TNKS: variants seen among roughly 807,000 people sequenced by gnomAD.
TNKS encodes poly [ADP-ribose] polymerase tankyrase-1.
In TNKS, 72 loss-of-function variants were observed where a neutral mutation model predicts 135.8. That is an observed-to-expected ratio of 0.53 (90% CI 0.44 to 0.64). TNKS has a LOEUF of 0.64. TNKS is among the 30% of genes least tolerant of loss of function. The pLI, the probability that TNKS is intolerant of heterozygous loss-of-function variation, is 0.00. For synonymous variants in TNKS, 849 were observed against 649.3 expected (o/e 1.31, Z -4.68); for missense variants, 1,769 against 1,674.0 (o/e 1.06, Z -0.99).
Position 9,761,544 on chromosome 8 carries a change from G to C in TNKS, c.3182G>C (p.Gly1061Ala), listed in dbSNP as rs1807148302. ...ACACTAGATGTGTTGGCTGATATGG[G>C]TCATGAAGAGTTGAAAGAAATAGGC... is the stretch of plus-strand genomic sequence containing the variant. ...QITLDVLADM[G>A]HEELKEIGIN... The change falls in exon 21 of 27, where the codon GGT becomes GCT. Residue 1061 changes from glycine to alanine, a missense_variant. Physicochemically the swap from Gly to Ala is moderately conservative, Grantham distance 60. This residue lies in a region of TNKS where 722 missense variants were observed against 688.9 expected (regional missense o/e 1.05). Transcript: ENST00000310430. 1 of 1,612,242 alleles carries C rather than the reference G, an allele frequency of 6.2e-7. No individual in the cohort carries two copies. The highest frequency in any genetic ancestry group is 8.5e-7 in the Non-Finnish European group (1 of 1,179,644).
At position 9,733,387 on chromosome 8, in the gene TNKS, C is replaced by A. The variant is rs373431532; in HGVS notation, c.2256C>A (p.Thr752=). 1 of 1,613,268 alleles carries A rather than the reference C, an allele frequency of 6.2e-7. No individual in the cohort carries two copies. Among genetic ancestry groups the A allele is most frequent in the Non-Finnish European group, 8.5e-7 (1 of 1,179,646 alleles). ...SVNVADLWKF[T]PLHEAAAKGK... Reference sequence around the variant, plus strand: ...ATGTGGCGGACTTATGGAAATTTACCCCTCTCCATGAAGCAGCAGCTAAAG... The same window carrying A: ...ATGTGGCGGACTTATGGAAATTTACACCTCTCCATGAAGCAGCAGCTAAAG... Residue 752 remains threonine, a synonymous_variant, in exon 15 of 27, where the codon ACC becomes ACA. Coordinates refer to ENST00000310430, the MANE Select transcript of TNKS (RefSeq NM_003747.3).
chr8:9,722,555 A>T (rs1278067314), intron 12 of TNKS: 1 of 894 alleles, frequency 1.1e-3, no homozygotes, highest in African/African-American at 1.8e-3. Flanking sequence ...GCTTGAACTC[A>T]AAAAAAAAAA....
intron 18 of TNKS, among the ~76,000 whole-genome samples, chr8:9,750,723 C>G (rs1441456740): frequency 6.6e-6 from 1 of 152,214 alleles, no homozygotes; most frequent in Admixed American, 6.5e-5. Flanking sequence ...AAGCCACCCC[C>G]AAACCCACTG....
At chr8:9,601,849 C>G (rs73664752) in intron 2 of TNKS, among the ~76,000 whole-genome samples, 46 of 152,188 alleles carry the variant, frequency 3.0e-4, no homozygotes, top group Non-Finnish European at 4.3e-4. Context: ...TATTGCTTTA[C>G]TTATTTCTTA....
intron 16 of TNKS, 133 bp downstream of exon 16, chr8:9,735,217 A>T: frequency 2.7e-6 from 3 of 1,114,328 alleles, no homozygotes; most frequent in Non-Finnish European, 3.8e-6. Flanking sequence ...ATAGTTTTGT[A>T]TAATTTCTTA....
rs76821910 is a variant in TNKS, at chr8:9,628,201, C to A, written c.994+12524C>A. 1.5e-3 allele frequency among the ~76,000 whole-genome samples: 230 copies of A among 152,246 alleles called. 1 individual carries two copies. Among genetic ancestry groups the A allele is most frequent in the Non-Finnish European group, 2.4e-3 (161 of 68,018 alleles). On this transcript the variant is annotated intron_variant, in intron 3 of 26. Transcript: ENST00000310430. The stretch of plus-strand genomic sequence containing the variant: ...AAACATTCTTTTGTGTCAATTCTTA[C>A]ACCACTCTTTAGTCACTTGTTTTTC...
At chr8:9,633,187 A>G (rs1232731972) in intron 3 of TNKS, among the ~76,000 whole-genome samples, 2 of 152,176 alleles carry the variant, frequency 1.3e-5, no homozygotes, top group Non-Finnish European at 2.9e-5. Flanking sequence ...TGTACTACTA[A>G]CCTTCTCAGA....
At chr8:9,648,145 C>T (rs1563140504) in intron 3 of TNKS, among the ~76,000 whole-genome samples, 1 of 152,032 alleles carries the variant, frequency 6.6e-6, no homozygotes, top group African/African-American at 2.4e-5. Context: ...AATGCGAAGG[C>T]CTAGAGCATT....
At chr8:9,722,764 G>C (rs1165989152) in intron 12 of TNKS, among the ~76,000 whole-genome samples, 4 of 152,064 alleles carry the variant, frequency 2.6e-5, no homozygotes, top group Admixed American at 6.6e-5. Flanking sequence ...GTTAGTTTCT[G>C]TATGTTTTAA....
At chr8:9,666,124 G>A (rs1249030890) in intron 3 of TNKS, among the ~76,000 whole-genome samples, 1 of 152,192 alleles carries the variant, frequency 6.6e-6, no homozygotes, top group African/African-American at 2.4e-5. Context: ...CCGTTTTACT[G>A]TTGTAAGCTT....
chr8:9,746,173 A>T (rs139735606), intron 17 of TNKS, among the ~76,000 whole-genome samples: 1 of 152,246 alleles, frequency 6.6e-6, no homozygotes, highest in Non-Finnish European at 1.5e-5. Flanking sequence ...AAGGGACACA[A>T]ATGTGCCAGT....
Position 9,757,216 on chromosome 8 carries a change from C to T in TNKS, c.3154-4300C>T, listed in dbSNP as rs191658012. ...GGTCTCAAACTCCTGACCCCGTGAT[C>T]TGCCCGCCTTGGCCTCCCAAAGTGC... On this transcript the variant is annotated intron_variant, in intron 20 of 26. Coordinates refer to ENST00000310430, the MANE Select transcript of TNKS (RefSeq NM_003747.3). Among the ~76,000 whole-genome samples, 30 of 152,240 alleles carry T rather than the reference C, an allele frequency of 2.0e-4. 1 individual carries two copies. In the East Asian group the frequency reaches 5.2e-3, roughly 27 times the overall value.
In TNKS at chr8:9,774,611, T is replaced by G. The variant is rs924773067; in HGVS notation, c.3898-2039T>G. Reference sequence around the variant, plus strand: ...CTGCAGTTCAGTAATTCCCTTACCCTTAATCCCTCTGGACTGTAATTGATT... The same window carrying G: ...CTGCAGTTCAGTAATTCCCTTACCCGTAATCCCTCTGGACTGTAATTGATT... On this transcript the variant is annotated intron_variant, in intron 26 of 26. Coordinates refer to ENST00000310430, the MANE Select transcript of TNKS (RefSeq NM_003747.3). 2.6e-5 allele frequency among the ~76,000 whole-genome samples: 4 copies of G among 152,234 alleles called. No individual in the cohort carries two copies. The South Asian group carries it at 8.3e-4, about 31-fold the overall frequency.
chr8:9,781,012 A>G lies in TNKS; in HGVS notation c.*4276A>G, dbSNP rs1808437532. The G allele has an allele frequency of 1.3e-5, 2 of 152,202 alleles. 1 individual carries two copies. Among genetic ancestry groups the G allele is most frequent in the Admixed American group, 1.3e-4 (2 of 15,280 alleles). 9.4% of individuals were successfully genotyped at this position (152,202 alleles called of 1,614,324 possible). On this transcript the variant is annotated 3_prime_UTR_variant, in exon 27 of 27. Coordinates refer to ENST00000310430, the MANE Select transcript of TNKS (RefSeq NM_003747.3). ...GCAAGCTGTGTTTTTTAATTGTTTT[A>G]AAATGTAAATTATGGTTATGCTAAA...
chr8:9,586,254 T>C (rs777507607), intron 2 of TNKS, among the ~76,000 whole-genome samples: 12 of 152,170 alleles, frequency 7.9e-5, no homozygotes, highest in Non-Finnish European at 1.6e-4. Flanking sequence ...GCAAATTGGC[T>C]TCTTAGGGGA....
chr8:9,729,771 CTTTTTTT>C (rs763357075), intron 13 of TNKS, among the ~76,000 whole-genome samples: 1 of 95,016 alleles, frequency 1.1e-5, no homozygotes, highest in Admixed American at 1.5e-4. Flanking sequence ...ATATGATATT[CTTTTTTT>C]TTTTTTTTTT....
At chr8:9,632,847 A>G (rs972777480) in intron 3 of TNKS, among the ~76,000 whole-genome samples, 1 of 152,092 alleles carries the variant, frequency 6.6e-6, no homozygotes, top group Non-Finnish European at 1.5e-5. Flanking sequence ...CTCCTGCCTC[A>G]GCCTCCCGAG....
chr8:9,774,827 C>T (rs1808129923), intron 26 of TNKS, among the ~76,000 whole-genome samples: 1 of 152,174 alleles, frequency 6.6e-6, no homozygotes, highest in Non-Finnish European at 1.5e-5. Flanking sequence ...ACTATTGACT[C>T]CTTTGCTTCA....
intron 2 of TNKS, among the ~76,000 whole-genome samples, chr8:9,599,046 T>C (rs1798917223): frequency 6.6e-6 from 1 of 151,880 alleles, no homozygotes; most frequent in Non-Finnish European, 1.5e-5. Flanking sequence ...TTTATGATCC[T>C]ATTATAAATT....
Sources: gnomAD v4.1 joint callset for allele counts (sites outside exome capture counted in the v4.1 genomes callset) on GRCh38, gnomAD v4.1.1 for gene constraint, gnomAD v4.1.1 regional missense constraint, MANE v1.5 for transcripts, NCBI Gene and HGNC (gene_info 2026-07-23, HGNC 2026-07-21) for gene names.